LRMDA: variants seen among roughly 807,000 people sequenced by gnomAD.
LRMDA encodes leucine rich melanocyte differentiation associated, also known as leucine-rich melanocyte differentiation-associated protein.
LRMDA carries 18 observed loss-of-function variants against 29.8 expected under a neutral mutation model. The observed-to-expected ratio is 0.60, with a 90% CI of 0.42 to 0.90. LRMDA has a LOEUF of 0.90. Ranked by LOEUF, LRMDA falls within the 40% of genes least tolerant of loss-of-function variation. LRMDA has a pLI of 0.00. For synonymous variants in LRMDA, 125 were observed against 109.4 expected (o/e 1.14, Z -0.89); for missense variants, 273 against 273.9 (o/e 1.00, Z 0.02).
intron 2 of LRMDA, among the ~76,000 whole-genome samples, chr10:75,670,017 C>T (rs980513242): frequency 2.0e-5 from 3 of 152,112 alleles, no homozygotes; most frequent in African/African-American, 7.2e-5. Context: ...TATAGCAACT[C>T]TTTATTATAG....
At chr10:75,794,710 A>G (rs1843623066) in intron 2 of LRMDA, among the ~76,000 whole-genome samples, 1 of 152,186 alleles carries the variant, frequency 6.6e-6, no homozygotes, top group Non-Finnish European at 1.5e-5. Context: ...ATGTATTTTC[A>G]TGAGTTTACT....
intron 2 of LRMDA, among the ~76,000 whole-genome samples, chr10:75,557,036 A>G (rs3012054): frequency 0.61 from 93,386 of 151,908 alleles, 31,596 homozygotes; most frequent in East Asian, 0.85. Context: ...AAATGGGGCC[A>G]GGCATGGTGG....
At chr10:75,752,891 C>T (rs747155037) in intron 2 of LRMDA, among the ~76,000 whole-genome samples, 12 of 152,266 alleles carry the variant, frequency 7.9e-5, no homozygotes, top group Non-Finnish European at 1.3e-4. Flanking sequence ...GTCTGAATTG[C>T]GTCATGCATA....
At chr10:75,886,675 A>G (rs1189526770) in intron 2 of LRMDA, among the ~76,000 whole-genome samples, 4 of 152,052 alleles carry the variant, frequency 2.6e-5, no homozygotes, top group African/African-American at 7.2e-5. Context: ...TATTTAACTC[A>G]CTCCTTTGGC....
chr10:76,300,714 C>A (rs1840470355), intron 5 of LRMDA, among the ~76,000 whole-genome samples: 1 of 152,172 alleles, frequency 6.6e-6, no homozygotes, highest in South Asian at 2.1e-4. Flanking sequence ...CCTCCTACAA[C>A]AGTGTAAGTT....
intron 5 of LRMDA, among the ~76,000 whole-genome samples, chr10:76,074,472 CA>C (rs962267498): frequency 6.6e-5 from 10 of 151,816 alleles, no homozygotes; most frequent in Non-Finnish European, 1.3e-4. Flanking sequence ...TTTGAGCTGA[CA>C]AAAAAATGCA....
At chr10:76,130,909 C>A (rs112016996) in intron 5 of LRMDA, among the ~76,000 whole-genome samples, 95 of 152,144 alleles carry the variant, frequency 6.2e-4, no homozygotes, top group African/African-American at 2.2e-3. Context: ...GTGATCCACT[C>A]GCCTCGGCCT....
intron 3 of LRMDA, among the ~76,000 whole-genome samples, chr10:76,041,348 C>T (rs1848335323): frequency 1.3e-5 from 2 of 152,130 alleles, no homozygotes; most frequent in African/African-American, 2.4e-5. Flanking sequence ...TCACTTTTTC[C>T]TCTAGAAATG....
intron 5 of LRMDA, among the ~76,000 whole-genome samples, chr10:76,073,263 C>G (rs888635108): frequency 3.3e-5 from 5 of 152,158 alleles, no homozygotes; most frequent in African/African-American, 1.2e-4. Flanking sequence ...ACTCTATTCC[C>G]TATATGTGAC....
chr10:76,055,576 G>A (rs1004973914), intron 4 of LRMDA, among the ~76,000 whole-genome samples: 4 of 152,204 alleles, frequency 2.6e-5, no homozygotes, highest in South Asian at 2.1e-4. Flanking sequence ...CACTTGGCTC[G>A]TGCTGCCAGT....
chr10:75,517,465 G>C (rs1845304283), intron 2 of LRMDA, among the ~76,000 whole-genome samples: 1 of 152,110 alleles, frequency 6.6e-6, no homozygotes, highest in South Asian at 2.1e-4. Context: ...TGTAGCAGTT[G>C]TGAATGGGAG....
intron 5 of LRMDA, among the ~76,000 whole-genome samples, chr10:76,096,443 A>G (rs1413097079): frequency 6.6e-6 from 1 of 152,002 alleles, no homozygotes; most frequent in Non-Finnish European, 1.5e-5. Flanking sequence ...ATTGGTCTCT[A>G]TCTTTAGACT....
At chr10:76,138,041 A>G (rs568826191) in intron 5 of LRMDA, among the ~76,000 whole-genome samples, 2 of 152,308 alleles carry the variant, frequency 1.3e-5, no homozygotes, top group East Asian at 3.9e-4. Flanking sequence ...CCCTTTTGCA[A>G]CTGTAGACAT....
At chr10:76,437,211 G>A (rs895641560) in intron 6 of LRMDA, among the ~76,000 whole-genome samples, 1 of 152,184 alleles carries the variant, frequency 6.6e-6, no homozygotes, top group African/African-American at 2.4e-5. Context: ...GGCTCAGCTG[G>A]TCTCATTCCT....
At chr10:75,867,488 G>A (rs1845040771) in intron 2 of LRMDA, among the ~76,000 whole-genome samples, 1 of 152,138 alleles carries the variant, frequency 6.6e-6, no homozygotes, top group Non-Finnish European at 1.5e-5. Flanking sequence ...GCTAACACCA[G>A]AGCGTCTTCA....
At chr10:75,877,838 G>A (rs894402526) in intron 2 of LRMDA, among the ~76,000 whole-genome samples, 4 of 152,258 alleles carry the variant, frequency 2.6e-5, no homozygotes, top group African/African-American at 9.6e-5. Flanking sequence ...GGGATAAGCT[G>A]TTTTCTCACT....
chr10:75,958,935 A>G (rs147519606), intron 2 of LRMDA, among the ~76,000 whole-genome samples: 3 of 152,300 alleles, frequency 2.0e-5, no homozygotes, highest in East Asian at 1.9e-4. Context: ...ATATACAACC[A>G]TCAGATCTCG....
Position 75,719,271 on chromosome 10 carries a change from T to C in LRMDA, c.131+280777T>C, listed in dbSNP as rs570490767. Among the ~76,000 whole-genome samples, 3 of 152,330 alleles carry C rather than the reference T, an allele frequency of 2.0e-5. No individual in the cohort carries two copies. In the South Asian group the frequency reaches 6.2e-4, roughly 32 times the overall value. ...ATAGCAGTAACAATGATTGGTGAGA[T>C]GATGTATCTGAAGAGCTTTTTGGGG... On this transcript the variant is annotated intron_variant, in intron 2 of 6. Coordinates refer to ENST00000611255, the MANE Select transcript of LRMDA (RefSeq NM_001305581.2).
intron 2 of LRMDA, among the ~76,000 whole-genome samples, chr10:75,478,065 C>T (rs1234092194): frequency 6.6e-6 from 1 of 152,214 alleles, no homozygotes; most frequent in Admixed American, 6.5e-5. Context: ...GATTCTGAGC[C>T]GTGCCTCATT....
Sources: allele counts gnomAD v4.1 joint callset (sites outside exome capture counted in the v4.1 genomes callset), GRCh38; gene constraint gnomAD v4.1.1; transcripts MANE v1.5; gene names NCBI Gene and HGNC (gene_info 2026-07-23, HGNC 2026-07-21).